Variants in NMBR observed in about 807,000 individuals in gnomAD.
NMBR encodes neuromedin-B receptor.
NMBR carries 16 observed loss-of-function variants against 20.5 expected under a neutral mutation model. That is an observed-to-expected ratio of 0.78 (90% confidence interval 0.53 to 1.19). NMBR has a LOEUF of 1.19. Ranked by LOEUF, NMBR falls within the 50% of genes most tolerant of loss-of-function variation. The probability of loss-of-function intolerance (pLI) is 0.00; values close to 1 mark genes in which losing one functional copy is unlikely to be tolerated. For missense variants in NMBR, 582 were observed against 499.1 expected, an observed-to-expected ratio of 1.17 and a Z score of -1.58; for synonymous variants, 212 against 196.6, an observed-to-expected ratio of 1.08 and a Z score of -0.65.
intron 1 of NMBR, among the ~76,000 whole-genome samples, chr6:142,091,413 T>C (rs991780993): frequency 1.3e-5 from 2 of 152,164 alleles, no homozygotes; most frequent in Non-Finnish European, 2.9e-5. Flanking sequence ...TTTGTAGACA[T>C]GGGGTCTCAC....
chr6:142,100,303 GA>G (rs34063146), intron 1 of NMBR, among the ~76,000 whole-genome samples: 38,800 of 151,918 alleles, frequency 0.26, 5,634 homozygotes, highest in East Asian at 0.71. Context: ...AAAGTTGGAA[GA>G]AAGATGTCCT....
intron 1 of NMBR, among the ~76,000 whole-genome samples, chr6:142,136,013 T>A: frequency 6.6e-6 from 1 of 152,196 alleles, no homozygotes; most frequent in Non-Finnish European, 1.5e-5. Flanking sequence ...ATATACCCAG[T>A]AATGGGATGG....
At chr6:142,145,020 T>A (rs1429451246) in intron 1 of NMBR, among the ~76,000 whole-genome samples, 202 of 97,548 alleles carry the variant, frequency 2.1e-3, no homozygotes, top group South Asian at 2.5e-3. Flanking sequence ...AGAACCTGTC[T>A]AAAAAAAAAA....
At chr6:142,135,438 C>T (rs544280638) in intron 1 of NMBR, among the ~76,000 whole-genome samples, 19 of 152,122 alleles carry the variant, frequency 1.2e-4, no homozygotes, top group African/African-American at 4.3e-4. Context: ...TGACCATTAA[C>T]TTGAAGAAAT....
intron 1 of NMBR, among the ~76,000 whole-genome samples, chr6:142,124,925 A>C (rs1582858493): frequency 6.6e-6 from 1 of 152,026 alleles, no homozygotes; most frequent in Non-Finnish European, 1.5e-5. Flanking sequence ...GGAGAAATGG[A>C]AACATACCCC....
rs778988905 is a variant in NMBR, at chr6:142,088,483, A to G, written c.176T>C (p.Leu59Pro). The G allele has an allele frequency of 6.2e-7, 1 of 1,614,126 alleles. No individual in the cohort carries two copies. The highest frequency in any genetic ancestry group is 8.5e-7 in the Non-Finnish European group (1 of 1,180,014). ...GATCTTCACCAGCATGATGTTGCCC[A>G]GCAAGCCCACGGTGATGATGAGCAG... ...LYLLIITVGL[L>P]GNIMLVKIFI... Residue 59 changes from leucine (L) to proline (P), a missense_variant, in exon 2 of 4, where the codon CTG becomes CCG. Coordinates refer to ENST00000258042, the MANE Select transcript of NMBR (RefSeq NM_002511.4).
At chr6:142,137,423 C>T (rs1289218213) in intron 1 of NMBR, among the ~76,000 whole-genome samples, 1 of 152,186 alleles carries the variant, frequency 6.6e-6, no homozygotes, top group East Asian at 1.9e-4. Flanking sequence ...TCTAGATATA[C>T]AGTCATGTAA....
intron 2 of NMBR, 93 bp downstream of exon 2, chr6:142,088,144 T>C (rs1777234384): frequency 7.8e-7 from 1 of 1,280,938 alleles, no homozygotes; most frequent in African/African-American, 1.5e-5. Context: ...TTTCCTTGCG[T>C]CCTTCTGCCA....
rs1778240370 is a variant in NMBR at position 142,135,617 on chromosome 6, G to T, written c.-664+11427C>A. ...CCATTAACTCGTCATTTAGCATTAG[G>T]TATATCTCCTAATGCTATCCCTCCC... On this transcript the variant is annotated intron_variant, in intron 1 of 3. Coordinates refer to ENST00000258042, the MANE Select transcript of NMBR (RefSeq NM_002511.4). 2.0e-5 allele frequency among the ~76,000 whole-genome samples: 3 copies of T among 149,968 alleles called. No homozygotes were observed. The South Asian group carries it at 6.5e-4, about 32-fold the overall frequency.
At chr6:142,137,369 T>G (rs777423969) in intron 1 of NMBR, among the ~76,000 whole-genome samples, 3 of 152,202 alleles carry the variant, frequency 2.0e-5, no homozygotes, top group Non-Finnish European at 4.4e-5. Flanking sequence ...TTGCTGAAGT[T>G]GCTTATCAGC....
At chr6:142,134,078 C>T (rs1042111143) in intron 1 of NMBR, 2 of 567,096 alleles carry the variant, frequency 3.5e-6, no homozygotes, top group East Asian at 2.9e-5. Context: ...ACAACAAACT[C>T]ATTTTCTCTT....
intron 1 of NMBR, among the ~76,000 whole-genome samples, chr6:142,115,902 T>C (rs923706871): frequency 2.6e-5 from 4 of 152,100 alleles, no homozygotes; most frequent in African/African-American, 7.2e-5. Context: ...AAATCTCATC[T>C]TGAATTGTAA....
intron 1 of NMBR, among the ~76,000 whole-genome samples, chr6:142,123,122 T>C (rs1056016105): frequency 6.6e-6 from 1 of 151,974 alleles, no homozygotes; most frequent in Admixed American, 6.6e-5. Context: ...ATATTTGTGA[T>C]TCATAGAAGG....
At chr6:142,080,322 T>C (rs1194349825) in intron 2 of NMBR, among the ~76,000 whole-genome samples, 1 of 149,120 alleles carries the variant, frequency 6.7e-6, no homozygotes, top group Non-Finnish European at 1.5e-5. Context: ...TTTTTTTTTT[T>C]TTTTTTTTGA....
At chr6:142,138,773 CT>C (rs1412773421) in intron 1 of NMBR, among the ~76,000 whole-genome samples, 1 of 152,070 alleles carries the variant, frequency 6.6e-6, no homozygotes, top group Non-Finnish European at 1.5e-5. Context: ...AAGGCTGGTA[CT>C]TTTTTATTGA....
intron 1 of NMBR, among the ~76,000 whole-genome samples, chr6:142,135,929 T>C (rs1309152828): frequency 6.6e-6 from 1 of 152,014 alleles, no homozygotes; most frequent in South Asian, 2.1e-4. Flanking sequence ...AAGTCTTTGC[T>C]ATTGTGAATA....
At chr6:142,079,147 G>GAAAGA (rs879683798) in intron 2 of NMBR, among the ~76,000 whole-genome samples, 13 of 86,836 alleles carry the variant, frequency 1.5e-4, no homozygotes, top group South Asian at 1.1e-3. Context: ...GAAAGAAAAA[G>GAAAGA]AAGAGAGGAG....
chr6:142,134,494 T>G, intron 1 of NMBR: 1 of 479,020 alleles, frequency 2.1e-6, no homozygotes, highest in Non-Finnish European at 3.7e-6. Context: ...ACATATTGAT[T>G]AATTGATTTA....
At chr6:142,142,416 C>T (rs1232917641) in intron 1 of NMBR, among the ~76,000 whole-genome samples, 3 of 152,222 alleles carry the variant, frequency 2.0e-5, no homozygotes, top group Admixed American at 6.5e-5. Context: ...AATAATACAT[C>T]ACATTAGGCG....
Sources: allele counts gnomAD v4.1 joint callset (sites outside exome capture counted in the v4.1 genomes callset), GRCh38; gene constraint gnomAD v4.1.1; transcripts MANE v1.5; gene names NCBI Gene and HGNC (gene_info 2026-07-23, HGNC 2026-07-21).